Variants in ANAPC10 observed in about 807,000 individuals in gnomAD.
The protein encoded by ANAPC10 is anaphase promoting complex subunit 10.
A neutral mutation model predicts 22.0 loss-of-function variants in ANAPC10; 12 were observed. That is an observed-to-expected ratio of 0.55 (90% CI 0.35 to 0.88). The LOEUF is 0.88. Among genes scored for constraint, ANAPC10 ranks in the 40% least tolerant of loss-of-function variants. The pLI is 0.01. For missense variants in ANAPC10, 188 were observed against 220.9 expected, an observed-to-expected ratio of 0.85 and a Z score of 0.94; for synonymous variants, 65 against 69.5, an observed-to-expected ratio of 0.94 and a Z score of 0.32.
intron 4 of ANAPC10, among the ~76,000 whole-genome samples, chr4:145,056,195 TG>T (rs894468746): frequency 1.3e-5 from 2 of 152,100 alleles, no homozygotes; most frequent in Admixed American, 6.5e-5. Context: ...ATAAAGACCT[TG>T]CTAATAAAAC....
At chr4:145,080,340 CTAAAA>C (rs909855058) in intron 3 of ANAPC10, among the ~76,000 whole-genome samples, 5 of 152,078 alleles carry the variant, frequency 3.3e-5, no homozygotes, top group East Asian at 1.9e-4. Context: ...CTCCCTTAAA[CTAAAA>C]TAAAAGTCAG....
intron 4 of ANAPC10, among the ~76,000 whole-genome samples, chr4:145,052,240 G>C (rs1414366454): frequency 6.6e-6 from 1 of 152,118 alleles, no homozygotes; most frequent in Non-Finnish European, 1.5e-5. Context: ...CTTGAAAATT[G>C]CTAAGACAGA....
chr4:145,090,036 G>T (rs574625201), intron 2 of ANAPC10, among the ~76,000 whole-genome samples: 1 of 152,132 alleles, frequency 6.6e-6, no homozygotes, highest in Admixed American at 6.5e-5. Flanking sequence ...CCTATTTCTA[G>T]TCTCATTTAC....
intron 4 of ANAPC10, among the ~76,000 whole-genome samples, chr4:145,007,223 C>A (rs1012854593): frequency 6.6e-6 from 1 of 152,014 alleles, no homozygotes; most frequent in South Asian, 2.1e-4. Context: ...CAATATTAGA[C>A]ACATCTACGA....
rs190954525 is a variant in ANAPC10, at chr4:145,019,210, C to T, written c.328-23607G>A. The stretch of plus-strand genomic sequence containing the variant: ...ACCACATGATAGGCCACAAAATGAG[C>T]TGTAATAAATTTAAGAAAACTGAAA... On this transcript the variant is annotated intron_variant, in intron 4 of 4. Coordinates refer to ENST00000507656, the MANE Select transcript of ANAPC10 (RefSeq NM_001256706.2). Among the ~76,000 whole-genome samples, 807 of 152,208 alleles carry T rather than the reference C, an allele frequency of 5.3e-3. 3 individuals are homozygous for T. Among genetic ancestry groups the T allele is most frequent in the Non-Finnish European group, 9.2e-3 (625 of 68,024 alleles).
intron 4 of ANAPC10, among the ~76,000 whole-genome samples, chr4:145,018,379 A>T (rs1735513475): frequency 6.6e-6 from 1 of 152,004 alleles, no homozygotes. Flanking sequence ...CACACCTATA[A>T]TCCCAAGGCT....
chr4:145,048,661 T>A (rs577708419), intron 4 of ANAPC10, among the ~76,000 whole-genome samples: 1 of 152,010 alleles, frequency 6.6e-6, no homozygotes, highest in Non-Finnish European at 1.5e-5. Flanking sequence ...AGAAATTCTA[T>A]GAAAACAATT....
chr4:145,089,308 C>CA (rs201579388), intron 2 of ANAPC10, among the ~76,000 whole-genome samples: 88 of 149,862 alleles, frequency 5.9e-4, no homozygotes, highest in East Asian at 9.8e-4. Context: ...TCAATGTCTT[C>CA]AAAAAAAAAC....
At chr4:145,032,015 T>G (rs181976770) in intron 4 of ANAPC10, among the ~76,000 whole-genome samples, 195 of 152,282 alleles carry the variant, frequency 1.3e-3, no homozygotes, top group African/African-American at 4.5e-3. Context: ...AGGCACAAGT[T>G]ACATGAGGAA....
intron 4 of ANAPC10, among the ~76,000 whole-genome samples, chr4:145,051,885 A>G (rs1741152846): frequency 6.6e-6 from 1 of 152,224 alleles, no homozygotes; most frequent in Non-Finnish European, 1.5e-5. Context: ...CTATTAAATA[A>G]TCGCAGAGTA....
rs535619167 is a variant in ANAPC10 at position 145,039,599 on chromosome 4, CT to C, written c.327+24972del. On this transcript the variant is annotated intron_variant, in intron 4 of 4. Transcript: ENST00000507656. ...TTGCAATAGCCCTATGAGGTATACT[CT>C]TTTTTTTTTGTTTGAAACACAGTCT... Among the ~76,000 whole-genome samples, 926 of 148,692 alleles carry C rather than the reference CT, an allele frequency of 6.2e-3. 10 individuals carry two copies. The highest frequency in any genetic ancestry group is 0.022 in the African/African-American group (896 of 40,794).
At chr4:145,011,475 G>A (rs1734310872) in intron 4 of ANAPC10, among the ~76,000 whole-genome samples, 1 of 152,044 alleles carries the variant, frequency 6.6e-6, no homozygotes, top group Non-Finnish European at 1.5e-5. Context: ...TCATTTTATA[G>A]GTATCAGAGA....
intron 4 of ANAPC10, among the ~76,000 whole-genome samples, chr4:145,058,557 G>A (rs1430408690): frequency 6.6e-6 from 1 of 152,140 alleles, no homozygotes; most frequent in Non-Finnish European, 1.5e-5. Context: ...ATCTAACACA[G>A]TACCTGGCAC....
At position 145,072,897 on chromosome 4, in the gene ANAPC10, TG is replaced by T. The variant is rs1301710285; in HGVS notation, c.207-8206del. ...TTAAGCCTAGTATCTATTACGTATC[TG>T]TTTTTTTTTTTTTTTAGGAGACAGG... is the stretch of plus-strand genomic sequence containing the variant. On this transcript the variant is annotated intron_variant, in intron 3 of 4. Coordinates refer to ENST00000507656, the MANE Select transcript of ANAPC10 (RefSeq NM_001256706.2). Among the ~76,000 whole-genome samples the T allele has an allele frequency of 7.5e-4, 113 of 151,512 alleles. 1 individual carries two copies. Among genetic ancestry groups the T allele is most frequent in the Admixed American group, 2.8e-3 (42 of 15,196 alleles).
At chr4:145,045,110 T>A (rs910787152) in intron 4 of ANAPC10, among the ~76,000 whole-genome samples, 1 of 152,098 alleles carries the variant, frequency 6.6e-6, no homozygotes, top group Non-Finnish European at 1.5e-5. Flanking sequence ...AAAATAAATT[T>A]GCATTTTACT....
chr4:145,030,890 T>G (rs1326229297), intron 4 of ANAPC10, among the ~76,000 whole-genome samples: 1 of 152,132 alleles, frequency 6.6e-6, no homozygotes, highest in Non-Finnish European at 1.5e-5. Context: ...CGTTCAACTC[T>G]CCCATCTGGC....
At chr4:145,010,203 G>A (rs1734074635) in intron 4 of ANAPC10, among the ~76,000 whole-genome samples, 1 of 152,132 alleles carries the variant, frequency 6.6e-6, no homozygotes, top group African/African-American at 2.4e-5. Context: ...GGAGAAATAG[G>A]AACATTTTTA....
rs1246074962 is a variant in ANAPC10, at chr4:145,060,377, T to C, written c.327+4195A>G. On this transcript the variant is annotated intron_variant, in intron 4 of 4. Transcript: ENST00000507656. ...TGATGCCTTTGTAGAGAGTTATCAATAGAAGTAACAAAGATCTAGATACAA... is the reference window on the plus strand; with the variant it reads ...TGATGCCTTTGTAGAGAGTTATCAACAGAAGTAACAAAGATCTAGATACAA... Among the ~76,000 whole-genome samples the C allele has an allele frequency of 4.6e-5, 7 of 152,046 alleles. No homozygotes were observed. In the South Asian group the frequency reaches 8.3e-4, roughly 18 times the overall value.
At chr4:145,097,666 T>C (rs1748786210) in intron 1 of ANAPC10, 1 of 571,158 alleles carries the variant, frequency 1.8e-6, no homozygotes, top group Non-Finnish European at 2.9e-6. Context: ...ATAGGTTCAG[T>C]TATGAACTAG....
Sources: allele counts gnomAD v4.1 joint callset (sites outside exome capture counted in the v4.1 genomes callset), GRCh38; gene constraint gnomAD v4.1.1; transcripts MANE v1.5; gene names NCBI Gene and HGNC (gene_info 2026-07-23, HGNC 2026-07-21).